Variants in ISM1 observed in about 807,000 individuals in gnomAD.
ISM1 encodes the protein isthmin-1.
A neutral mutation model predicts 46.3 loss-of-function variants in ISM1; 25 were observed. The ratio of observed to expected loss-of-function variants is 0.54; its 90% CI spans 0.39 to 0.75. ISM1 has a LOEUF of 0.75. Ranked by LOEUF, ISM1 falls within the 30% of genes least tolerant of loss-of-function variation. ISM1 has a pLI of 0.00. For missense variants in ISM1, 536 were observed against 625.4 expected (o/e 0.86, Z 1.52); for synonymous variants, 255 against 256.7 (o/e 0.99, Z 0.06).
At chr20:13,321,253 T>TAAAAAAAAAAAAAAAAAAAAAAAAAAAAA in the ISM1 span, among the ~76,000 whole-genome samples, 5 of 57,522 alleles carry the variant, frequency 8.7e-5, no homozygotes, top group Middle Eastern at 0.011. Flanking sequence ...GTGCCCCACA[T>TAAAAAAAAAAAAAAAAAAAAAAAAAAAAA]AAAAAAAAAA....
At chr20:13,252,660 C>T (rs2039880489) in intron 1 of ISM1, among the ~76,000 whole-genome samples, 3 of 151,990 alleles carry the variant, frequency 2.0e-5, no homozygotes. Flanking sequence ...GAGGCTGAGG[C>T]AGGAGAATCG....
At chr20:13,322,739 G>A in the ISM1 span, among the ~76,000 whole-genome samples, 1 of 152,304 alleles carries the variant, frequency 6.6e-6, no homozygotes, top group East Asian at 1.9e-4. Context: ...GGTGGAATAT[G>A]TGATCTTTAT....
At chr20:13,257,299 G>C (rs1359302082) in intron 1 of ISM1, among the ~76,000 whole-genome samples, 2 of 152,170 alleles carry the variant, frequency 1.3e-5, no homozygotes, top group Non-Finnish European at 2.9e-5. Context: ...AGGATCATCT[G>C]AGGTCAGGAG....
intron 1 of ISM1, among the ~76,000 whole-genome samples, chr20:13,261,465 A>G (rs181248794): frequency 2.4e-4 from 37 of 152,090 alleles, no homozygotes; most frequent in African/African-American, 8.7e-4. Flanking sequence ...AAGAGTGTGG[A>G]AGCAACTACC....
chr20:13,265,209 C>A (rs1047583322), intron 1 of ISM1, among the ~76,000 whole-genome samples: 1 of 152,206 alleles, frequency 6.6e-6, no homozygotes, highest in African/African-American at 2.4e-5. Flanking sequence ...AGCTCCTGAA[C>A]CCCTCCCCAG....
chr20:13,315,249 G>A, the ISM1 span, among the ~76,000 whole-genome samples: 2 of 151,962 alleles, frequency 1.3e-5, no homozygotes, highest in Admixed American at 6.5e-5. Context: ...GAAAAACAGA[G>A]GTTCTCCTAG....
chr20:13,291,849 C>G (rs1442667944), intron 4 of ISM1, among the ~76,000 whole-genome samples: 4 of 152,186 alleles, frequency 2.6e-5, no homozygotes, highest in Admixed American at 2.6e-4. Context: ...ACTTGCTGCT[C>G]TAAGTACTTT....
the ISM1 span, among the ~76,000 whole-genome samples, chr20:13,324,328 T>C: frequency 1.3e-5 from 2 of 152,194 alleles, no homozygotes; most frequent in Non-Finnish European, 2.9e-5. Context: ...AACAATTGCC[T>C]TGCTAGCTGC....
chr20:13,284,115 T>C (rs1397772660), intron 3 of ISM1, among the ~76,000 whole-genome samples: 2 of 152,140 alleles, frequency 1.3e-5, no homozygotes, highest in African/African-American at 4.8e-5. Flanking sequence ...CCTCACAGGG[T>C]TGTTGTAGGA....
At chr20:13,275,650 T>C (rs1424164180) in intron 2 of ISM1, among the ~76,000 whole-genome samples, 1 of 152,230 alleles carries the variant, frequency 6.6e-6, no homozygotes, top group Non-Finnish European at 1.5e-5. Context: ...CTATGTAGTA[T>C]AATACTATAT....
chr20:13,276,186 A>G (rs1196507348), intron 2 of ISM1, among the ~76,000 whole-genome samples: 1 of 152,150 alleles, frequency 6.6e-6, no homozygotes, highest in Non-Finnish European at 1.5e-5. Flanking sequence ...TCCTCTCTGG[A>G]AAATACCTGC....
intron 1 of ISM1, among the ~76,000 whole-genome samples, chr20:13,251,010 A>T (rs1268146927): frequency 1.3e-5 from 2 of 152,214 alleles, no homozygotes; most frequent in Non-Finnish European, 2.9e-5. Context: ...TGGAAATTTT[A>T]TAACTTATGA....
At chr20:13,229,174 T>A (rs552940511) in intron 1 of ISM1, among the ~76,000 whole-genome samples, 1 of 152,234 alleles carries the variant, frequency 6.6e-6, no homozygotes, top group East Asian at 1.9e-4. Flanking sequence ...TAAAGTTTTT[T>A]AAAACTACAT....
intron 4 of ISM1, among the ~76,000 whole-genome samples, chr20:13,290,522 G>A (rs565803154): frequency 3.5e-4 from 53 of 152,178 alleles, no homozygotes; most frequent in East Asian, 7.8e-4. Flanking sequence ...GGTGGCGGGC[G>A]CCTGTAGTCC....
the ISM1 span, among the ~76,000 whole-genome samples, chr20:13,311,259 A>AGAT: frequency 1.8e-4 from 21 of 115,440 alleles, no homozygotes; most frequent in African/African-American, 4.5e-4. Flanking sequence ...ATAGATAGAT[A>AGAT]GATAGATAGA....
At chr20:13,285,365 A>T (rs6109795) in intron 3 of ISM1, among the ~76,000 whole-genome samples, 34,157 of 152,078 alleles carry the variant, frequency 0.22, 3,877 homozygotes, top group African/African-American at 0.27. Flanking sequence ...TCTCTCCCTC[A>T]CAAGTCCGTG....
At chr20:13,249,119 G>A (rs2039836330) in intron 1 of ISM1, among the ~76,000 whole-genome samples, 1 of 152,090 alleles carries the variant, frequency 6.6e-6, no homozygotes, top group Admixed American at 6.6e-5. Context: ...GAATTTTTTA[G>A]GATGATTTTT....
intron 1 of ISM1, among the ~76,000 whole-genome samples, chr20:13,248,235 A>G (rs992544552): frequency 6.6e-6 from 1 of 152,210 alleles, no homozygotes; most frequent in Non-Finnish European, 1.5e-5. Flanking sequence ...TTCTTTATGA[A>G]CATTTCTTGT....
chr20:13,302,690 G>A (rs2040469286), downstream of ISM1, among the ~76,000 whole-genome samples: 1 of 152,156 alleles, frequency 6.6e-6, no homozygotes, highest in Admixed American at 6.6e-5. Flanking sequence ...CCCCGCAGTA[G>A]CTGCTCAAAT....
Sources: gnomAD v4.1 joint callset for allele counts (sites outside exome capture counted in the v4.1 genomes callset) on GRCh38, gnomAD v4.1.1 for gene constraint, MANE v1.5 for transcripts, NCBI Gene and HGNC (gene_info 2026-07-23, HGNC 2026-07-21) for gene names.